COG5: variants seen among roughly 807,000 people sequenced by gnomAD.
The protein encoded by COG5 is conserved oligomeric Golgi complex subunit 5.
A neutral mutation model predicts 110.4 loss-of-function variants in COG5; 86 were observed. The ratio of observed to expected loss-of-function variants is 0.78; its 90% confidence interval spans 0.65 to 0.93. COG5 has a LOEUF of 0.93. COG5 is among the 40% of genes least tolerant of loss of function. The pLI is 0.00. For synonymous variants in COG5, 360 were observed against 334.6 expected (o/e 1.08, Z -0.83); for missense variants, 1,077 against 987.0 (o/e 1.09, Z -1.22).
At chr7:107,357,975 G>A (rs1349655691) in intron 10 of COG5, among the ~76,000 whole-genome samples, 1 of 152,140 alleles carries the variant, frequency 6.6e-6, no homozygotes, top group Non-Finnish European at 1.5e-5. Flanking sequence ...GGACTCATAC[G>A]CATTTAAAAT....
rs144484837 is a variant in COG5 at position 107,421,935 on chromosome 7, T to C, written c.539-9303A>G. Among the ~76,000 whole-genome samples, 1,115 of 152,290 alleles carry C rather than the reference T, an allele frequency of 7.3e-3. 22 individuals carry two copies. The highest frequency in any genetic ancestry group is 0.026 in the African/African-American group (1,063 of 41,574). ...AATGAAAATACAAAATCAAAATCTG[T>C]GAGATGCAACCAACGCAGCAGTTAA... is the stretch of plus-strand genomic sequence containing the variant. On this transcript the variant is annotated intron_variant, in intron 6 of 21. Coordinates refer to ENST00000297135, the MANE Select transcript of COG5 (RefSeq NM_006348.5).
At chr7:107,321,635 G>A (rs950495651) in intron 11 of COG5, among the ~76,000 whole-genome samples, 11 of 152,084 alleles carry the variant, frequency 7.2e-5, no homozygotes, top group Non-Finnish European at 1.5e-4. Context: ...ATAACCAAAT[G>A]ATTTTCAACA....
At chr7:107,503,486 C>A (rs1053076307) in intron 6 of COG5, among the ~76,000 whole-genome samples, 1 of 151,986 alleles carries the variant, frequency 6.6e-6, no homozygotes, top group African/African-American at 2.4e-5. Context: ...GTTATTTGGG[C>A]TCTTTTTGGT....
chr7:107,551,374 T>C (rs1177811502), intron 3 of COG5, among the ~76,000 whole-genome samples: 5 of 152,150 alleles, frequency 3.3e-5, no homozygotes, highest in Admixed American at 1.3e-4. Flanking sequence ...AAAAGTAATA[T>C]TTGGAAGAAT....
intron 14 of COG5, among the ~76,000 whole-genome samples, chr7:107,278,422 C>A (rs2116774120): frequency 6.6e-6 from 1 of 152,224 alleles, no homozygotes; most frequent in South Asian, 2.1e-4. Flanking sequence ...CCCTCCCCTA[C>A]CTCCCACCCG....
chr7:107,400,289 GA>G (rs1390595428), intron 7 of COG5, among the ~76,000 whole-genome samples: 4 of 151,802 alleles, frequency 2.6e-5, no homozygotes, highest in African/African-American at 9.7e-5. Context: ...TATAAAGCCA[GA>G]TAAGAGGAAG....
intron 10 of COG5, among the ~76,000 whole-genome samples, chr7:107,342,828 A>G (rs1811282382): frequency 6.6e-6 from 1 of 152,204 alleles, no homozygotes. Context: ...AAAGAACTTA[A>G]AACAGAACTA....
intron 16 of COG5, among the ~76,000 whole-genome samples, chr7:107,249,545 A>C (rs1802319845): frequency 6.6e-6 from 1 of 152,150 alleles, no homozygotes; most frequent in Non-Finnish European, 1.5e-5. Context: ...ACACACTTCA[A>C]AGATAATATA....
intron 7 of COG5, among the ~76,000 whole-genome samples, chr7:107,377,026 T>G (rs541696565): frequency 3.9e-5 from 6 of 152,222 alleles, no homozygotes; most frequent in African/African-American, 1.4e-4. Context: ...AACTAGTAAT[T>G]TTACTTCCTT....
At chr7:107,382,694 C>A (rs989392259) in intron 7 of COG5, among the ~76,000 whole-genome samples, 9 of 152,144 alleles carry the variant, frequency 5.9e-5, no homozygotes, top group African/African-American at 2.2e-4. Flanking sequence ...CCGCCTCAGC[C>A]TCCCAAAGTG....
chr7:107,316,023 C>T (rs1446716326), intron 11 of COG5, among the ~76,000 whole-genome samples: 1 of 152,126 alleles, frequency 6.6e-6, no homozygotes, highest in South Asian at 2.1e-4. Flanking sequence ...GTCATTGCTT[C>T]CCTTAATGAG....
At chr7:107,407,823 AAACCTGTTATGTTCAGGG>A (rs908530904) in intron 7 of COG5, among the ~76,000 whole-genome samples, 2 of 152,184 alleles carry the variant, frequency 1.3e-5, no homozygotes, top group African/African-American at 4.8e-5. Context: ...GAGGCTGAAC[AAACCTGTTATGTTCAGGG>A]AAACAAGGGA....
At position 107,362,168 on chromosome 7, in the gene COG5, C is replaced by T; in HGVS notation, c.949-58G>A. 2.1e-6 allele frequency: 3 copies of T among 1,421,562 alleles called. No individual in the cohort carries two copies. The South Asian group carries it at 3.6e-5, about 17-fold the overall frequency. 88.1% of individuals were successfully genotyped at this position (1,421,562 alleles called of 1,614,324 possible). A position where few individuals can be genotyped will look rare whatever the true frequency, so the allele number is the denominator to read the frequency against. On this transcript the variant is annotated intron_variant, in intron 9 of 21. Transcript: ENST00000297135. ...AGAAAAAGCAAGAAAAGGGAAATGG[C>T]AACCTTTACGTACATTATCATCAGC...
At chr7:107,413,928 A>G (rs942936367) in intron 6 of COG5, among the ~76,000 whole-genome samples, 1 of 152,194 alleles carries the variant, frequency 6.6e-6, no homozygotes, top group South Asian at 2.1e-4. Context: ...ATCTGAACAA[A>G]TTCACTTGGC....
At position 107,428,704 on chromosome 7, in the gene COG5, T is replaced by C. The variant is rs148935566; in HGVS notation, c.539-16072A>G. On this transcript the variant is annotated intron_variant, in intron 6 of 21. Coordinates refer to ENST00000297135, the MANE Select transcript of COG5 (RefSeq NM_006348.5). ...CTTCTCTCTGTTATATTCATTTTTT[T>C]TCTATCTTCAATCAACCCCCAATTT... 2.0e-4 allele frequency among the ~76,000 whole-genome samples: 31 copies of C among 152,354 alleles called. No homozygotes were observed. The East Asian group carries it at 6.0e-3, about 29-fold the overall frequency.
intron 12 of COG5, among the ~76,000 whole-genome samples, chr7:107,292,676 G>A (rs1418220000): frequency 1.3e-5 from 2 of 152,074 alleles, no homozygotes; most frequent in African/African-American, 4.8e-5. Flanking sequence ...AAACTCTCCA[G>A]GCCTCCACAA....
At chr7:107,537,744 A>C (rs1385513839) in intron 5 of COG5, among the ~76,000 whole-genome samples, 3 of 151,928 alleles carry the variant, frequency 2.0e-5, no homozygotes, top group African/African-American at 7.3e-5. Flanking sequence ...AATTTAAAAA[A>C]AAAAGAAAGA....
chr7:107,419,198 G>C (rs922726585), intron 6 of COG5, among the ~76,000 whole-genome samples: 1 of 152,088 alleles, frequency 6.6e-6, no homozygotes, highest in African/African-American at 2.4e-5. Flanking sequence ...TTTTAAAGTC[G>C]TGGTATTTGC....
chr7:107,352,444 A>G (rs935920273), intron 10 of COG5, among the ~76,000 whole-genome samples: 4 of 151,656 alleles, frequency 2.6e-5, no homozygotes, highest in African/African-American at 9.7e-5. Flanking sequence ...ATGTACCCTA[A>G]AACTTAAAGT....
Sources: gnomAD v4.1 joint callset for allele counts (sites outside exome capture counted in the v4.1 genomes callset) on GRCh38, gnomAD v4.1.1 for gene constraint, MANE v1.5 for transcripts, NCBI Gene and HGNC (gene_info 2026-07-23, HGNC 2026-07-21) for gene names.